CKMT2: variants seen among roughly 807,000 people sequenced by gnomAD.
CKMT2 encodes creatine kinase S-type, mitochondrial.
CKMT2 carries 43 observed loss-of-function variants against 48.9 expected under a neutral mutation model. The observed-to-expected ratio is 0.88, with a 90% confidence interval of 0.69 to 1.13. The LOEUF (loss-of-function observed/expected upper bound fraction) is 1.13. CKMT2 is among the 50% of genes most tolerant of loss of function. The probability of loss-of-function intolerance (pLI) is 0.00; values close to 1 mark genes in which losing one functional copy is unlikely to be tolerated. For missense variants in CKMT2, 472 were observed against 555.4 expected (o/e 0.85, Z 1.51); for synonymous variants, 206 against 213.0 (o/e 0.97, Z 0.29).
At chr5:81,246,405 C>T (rs1177604468) in intron 1 of CKMT2, among the ~76,000 whole-genome samples, 1 of 152,012 alleles carries the variant, frequency 6.6e-6, no homozygotes, top group Non-Finnish European at 1.5e-5. Flanking sequence ...TGCTGTTCTA[C>T]TCTCTGCCCC....
intron 1 of CKMT2, chr5:81,242,205 T>G: frequency 4.2e-6 from 1 of 238,626 alleles, no homozygotes; most frequent in Non-Finnish European, 8.2e-6. Context: ...GAACTGAGTG[T>G]CTCACTTGGT....
At chr5:81,258,581 CGGACCTGGTACAGGTCTGTGGCCTGTTA>C (rs1223170714) in intron 7 of CKMT2, among the ~76,000 whole-genome samples, 1 of 152,098 alleles carries the variant, frequency 6.6e-6, no homozygotes, top group African/African-American at 2.4e-5. Context: ...CCCGGGGCCA[CGGACCTGGTACAGGTCTGTGGCCTGTTA>C]GGAACTGGGC....
At chr5:81,254,353 G>A in intron 3 of CKMT2, 43 bp from the exon 4 acceptor site, 1 of 1,519,814 alleles carries the variant, frequency 6.6e-7, no homozygotes, top group South Asian at 1.1e-5. Flanking sequence ...TTAAATAGTA[G>A]GTGAACCAGT....
chr5:81,254,599 A>G (rs767396239), intron 4 of CKMT2, 108 bp downstream of exon 4: 4 of 934,446 alleles, frequency 4.3e-6, no homozygotes, highest in Non-Finnish European at 6.8e-6. Context: ...ACCCCTGGAA[A>G]GCACTGTGAC....
chr5:81,262,880 G>A (rs1327433414), intron 8 of CKMT2, among the ~76,000 whole-genome samples: 1 of 152,184 alleles, frequency 6.6e-6, no homozygotes, highest in African/African-American at 2.4e-5. Flanking sequence ...GCACACGTGT[G>A]TTTATTGAGT....
In CKMT2 at chr5:81,249,636, T is replaced by G. The variant is rs1466334926; in HGVS notation, c.-20-1477T>G. 4.2e-5 allele frequency among the ~76,000 whole-genome samples: 6 copies of G among 142,944 alleles called. No individual in the cohort carries two copies. In the Admixed American group the frequency reaches 4.4e-4, roughly 11 times the overall value. The allele number at this position is 142,944 out of a possible 152,430, so 93.8% of individuals were successfully genotyped here. A position where few individuals can be genotyped will look rare whatever the true frequency, so the allele number is the denominator to read the frequency against. ...TAAATATATAAATACTTATTTAGAT[T>G]TATACATGTTTTCTCCATTTCAGGC... On this transcript the variant is annotated intron_variant, in intron 1 of 9. Coordinates refer to ENST00000254035, the MANE Select transcript of CKMT2 (RefSeq NM_001099735.2).
intron 1 of CKMT2, among the ~76,000 whole-genome samples, chr5:81,248,693 A>G (rs1756695166): frequency 6.6e-6 from 1 of 152,224 alleles, no homozygotes; most frequent in African/African-American, 2.4e-5. Flanking sequence ...TTAGAATTGA[A>G]AGAATTGTTT....
intron 1 of CKMT2, 131 bp from the exon 2 acceptor site, chr5:81,250,982 A>AAGAG (rs71876955): frequency 0.026 from 10,679 of 414,454 alleles, 114 homozygotes; most frequent in Middle Eastern, 0.066. Flanking sequence ...CACACACAGA[A>AAGAG]AGAGAGAGAG....
At chr5:81,260,732 C>A (rs1025273256) in intron 8 of CKMT2, among the ~76,000 whole-genome samples, 15 of 152,024 alleles carry the variant, frequency 9.9e-5, no homozygotes, top group Non-Finnish European at 1.9e-4. Flanking sequence ...AATAGCCTAC[C>A]AACCAAAAAA....
chr5:81,259,003 C>T, intron 7 of CKMT2, 117 bp from the exon 8 acceptor site: 2 of 964,488 alleles, frequency 2.1e-6, no homozygotes, highest in Non-Finnish European at 3.0e-6. Context: ...TATAAATTTA[C>T]CTTAATTTCA....
At chr5:81,238,565 A>G (rs562948083) in intron 1 of CKMT2, 4 of 152,262 alleles carry the variant, frequency 2.6e-5, no homozygotes, top group African/African-American at 7.2e-5. Flanking sequence ...AGACCTTGTC[A>G]CTTTTCACCA....
intron 5 of CKMT2, 136 bp downstream of exon 5, chr5:81,255,350 A>G: frequency 1.4e-6 from 1 of 712,078 alleles, no homozygotes; most frequent in Non-Finnish European, 2.4e-6. Context: ...AGCTCAGCCC[A>G]AGAGCATCTA....
chr5:81,257,910 G>T, intron 7 of CKMT2, 54 bp downstream of exon 7: 1 of 1,539,822 alleles, frequency 6.5e-7, no homozygotes, highest in African/African-American at 1.4e-5. Context: ...TTACCGTATT[G>T]TTTGTTCTTG....
rs200834472 is a variant in CKMT2, at chr5:81,259,230, C to T, written c.990C>T (p.His330=). 6.2e-6 allele frequency: 10 copies of T among 1,614,010 alleles called. No homozygotes were observed. The highest frequency in any genetic ancestry group is 4.5e-5 in the East Asian group (2 of 44,864). Reference sequence around the variant, plus strand: ...GAACAGGACTACGAGCTGGTGTCCACGTTAGGATCCCAAAGCTCAGCAAGG... The same window carrying T: ...GAACAGGACTACGAGCTGGTGTCCATGTTAGGATCCCAAAGCTCAGCAAGG... ...NLGTGLRAGV[H]VRIPKLSKDP... The change falls in exon 8 of 10, where the codon CAC becomes CAT. Residue 330 remains histidine (H), a synonymous_variant. Coordinates refer to ENST00000254035, the MANE Select transcript of CKMT2 (RefSeq NM_001099735.2).
intron 3 of CKMT2, 22 bp from the exon 4 acceptor site, chr5:81,254,374 A>T: frequency 6.2e-7 from 1 of 1,602,268 alleles, no homozygotes. Context: ...TAAAGAGGAA[A>T]CACCCATCTT....
intron 2 of CKMT2, 37 bp from the exon 3 acceptor site, chr5:81,252,658 G>C (rs1169928012): frequency 6.2e-7 from 1 of 1,609,572 alleles, no homozygotes; most frequent in African/African-American, 1.3e-5. Context: ...TTTCCTCGGG[G>C]GCTGCTGGCT....
rs1756876186 is a variant in CKMT2, at chr5:81,253,004, AGGAAGG to A, written c.351+113_351+118del. On this transcript the variant is annotated intron_variant, in intron 3 of 9. Transcript: ENST00000254035. ...TATGGGGCCAACTTTCTGCCTTCTC[AGGAAGG>A]GCTCTCATAAAGGGAAGCCAGCTCC... The A allele has an allele frequency of 4.2e-6, 5 of 1,186,188 alleles. No individual in the cohort carries two copies. In the Admixed American group the frequency reaches 7.3e-5, roughly 17 times the overall value. The allele number at this position is 1,186,188 out of a possible 1,614,324, so 73.5% of individuals were successfully genotyped here. A position where few individuals can be genotyped will look rare whatever the true frequency, so the allele number is the denominator to read the frequency against.
chr5:81,266,228 A>AC lies in CKMT2; in HGVS notation c.1235dup (p.Leu413SerfsTer16). ...AGAGAGGCCAAGATATTAAGGTGCCACCCCCTCTGCCTCAGTTTGGCAAAA... is the reference window on the plus strand; with the variant it reads ...AGAGAGGCCAAGATATTAAGGTGCCACCCCCCTCTGCCTCAGTTTGGCAAAA... On this transcript the variant is annotated frameshift_variant, in exon 10 of 10. Transcript: ENST00000254035. LOFTEE classifies it high-confidence loss of function. 1.9e-6 allele frequency: 3 copies of AC among 1,613,220 alleles called. No individual in the cohort carries two copies. The highest frequency in any genetic ancestry group is 2.2e-5 in the East Asian group (1 of 44,846).
At chr5:81,233,483 C>A in intron 1 of CKMT2, 106 bp downstream of exon 1, 1 of 798,232 alleles carries the variant, frequency 1.3e-6, no homozygotes. Context: ...AGACGGGGAC[C>A]CCGTTAGGAC....
Sources: gnomAD v4.1 joint callset for allele counts (sites outside exome capture counted in the v4.1 genomes callset) on GRCh38, gnomAD v4.1.1 for gene constraint, MANE v1.5 for transcripts, NCBI Gene and HGNC (gene_info 2026-07-23, HGNC 2026-07-21) for gene names.